Variants in FHIT observed in about 807,000 individuals in gnomAD.
FHIT encodes fragile histidine triad diadenosine triphosphatase.
FHIT carries 19 observed loss-of-function variants against 17.9 expected under a neutral mutation model. That is an observed-to-expected ratio of 1.06 (90% CI 0.74 to 1.56). FHIT has a LOEUF of 1.56. Ranked by LOEUF, FHIT falls within the 40% of genes most tolerant of loss-of-function variation. FHIT has a pLI of 0.00. For synonymous variants in FHIT, 81 were observed against 69.7 expected, an observed-to-expected ratio of 1.16 and a Z score of -0.81; for missense variants, 248 against 189.2, an observed-to-expected ratio of 1.31 and a Z score of -1.82.
At chr3:60,328,405 C>G (rs912363165) in intron 5 of FHIT, among the ~76,000 whole-genome samples, 1 of 152,176 alleles carries the variant, frequency 6.6e-6, no homozygotes, top group Non-Finnish European at 1.5e-5. Flanking sequence ...GCCTTACAAT[C>G]ATGGAGGAAG....
At chr3:60,484,091 G>C (rs1408617677) in intron 5 of FHIT, among the ~76,000 whole-genome samples, 1 of 152,014 alleles carries the variant, frequency 6.6e-6, no homozygotes, top group African/African-American at 2.4e-5. Flanking sequence ...GCTACAAAGA[G>C]AATAAATACC....
At chr3:60,483,255 G>C (rs549262074) in intron 5 of FHIT, among the ~76,000 whole-genome samples, 3 of 152,150 alleles carry the variant, frequency 2.0e-5, no homozygotes, top group African/African-American at 4.8e-5. Flanking sequence ...GAGGTACAAA[G>C]AGGAACTGGT....
intron 5 of FHIT, among the ~76,000 whole-genome samples, chr3:60,418,407 TATATATATATATATATATAC>T (rs1486491913): frequency 0.024 from 3,154 of 133,070 alleles, 324 homozygotes; most frequent in African/African-American, 0.07. Context: ...TATATATATA[TATATATATATATATATATAC>T]GTGTATACAC....
intron 5 of FHIT, among the ~76,000 whole-genome samples, chr3:60,067,143 C>G (rs900017622): frequency 2.6e-5 from 4 of 152,144 alleles, no homozygotes; most frequent in Non-Finnish European, 5.9e-5. Flanking sequence ...TATTCATGAA[C>G]ATGAGTCTCT....
chr3:60,808,882 G>C (rs1261793258), intron 4 of FHIT, among the ~76,000 whole-genome samples: 1 of 152,182 alleles, frequency 6.6e-6, no homozygotes, highest in Non-Finnish European at 1.5e-5. Context: ...TTGGACTGTT[G>C]AGCTTGGTTC....
chr3:61,130,311 TA>T (rs1404165733), intron 2 of FHIT, among the ~76,000 whole-genome samples: 5 of 152,222 alleles, frequency 3.3e-5, no homozygotes, highest in Admixed American at 3.3e-4. Flanking sequence ...CGTGTTGTGT[TA>T]CTTATGAGTC....
At chr3:59,924,284 C>A (rs1575704598) in intron 7 of FHIT, among the ~76,000 whole-genome samples, 1 of 152,146 alleles carries the variant, frequency 6.6e-6, no homozygotes, top group South Asian at 2.1e-4. Flanking sequence ...TTTGTCCTTT[C>A]TTCTTTCTGT....
intron 3 of FHIT, among the ~76,000 whole-genome samples, chr3:61,010,127 T>A (rs1436837472): frequency 6.6e-6 from 1 of 152,128 alleles, no homozygotes; most frequent in African/African-American, 2.4e-5. Context: ...TCTCTGCGCA[T>A]ATCTTCAATT....
In FHIT at chr3:61,117,602, C is replaced by T. The variant is rs111233061; in HGVS notation, c.-163-75503G>A. Among the ~76,000 whole-genome samples the T allele has an allele frequency of 6.3e-3, 956 of 152,302 alleles. 11 individuals carry two copies. The highest frequency in any genetic ancestry group is 0.022 in the African/African-American group (919 of 41,564). ...AAATGCATCACCACTAAAAGCGATA[C>T]TTACTCTTCTATAAACATATACATT... On this transcript the variant is annotated intron_variant, in intron 2 of 9. Coordinates refer to ENST00000492590, the MANE Select transcript of FHIT (RefSeq NM_002012.4).
chr3:61,128,428 A>G (rs2036672055), intron 2 of FHIT, among the ~76,000 whole-genome samples: 2 of 152,248 alleles, frequency 1.3e-5, no homozygotes, highest in East Asian at 1.9e-4. Context: ...TAGGGATTCA[A>G]TATAGCTTAG....
At chr3:60,929,613 T>C (rs1273474230) in intron 3 of FHIT, among the ~76,000 whole-genome samples, 9 of 152,134 alleles carry the variant, frequency 5.9e-5, no homozygotes, top group African/African-American at 2.2e-4. Context: ...CCATTCACAA[T>C]TGCTTCAAAG....
chr3:60,417,437 C>T (rs1017709937), intron 5 of FHIT, among the ~76,000 whole-genome samples: 11 of 152,072 alleles, frequency 7.2e-5, no homozygotes, highest in South Asian at 2.1e-4. Context: ...TTTGCTGAGA[C>T]GGAGCCATTT....
chr3:60,845,341 A>C (rs1702888303), intron 3 of FHIT, among the ~76,000 whole-genome samples: 2 of 151,956 alleles, frequency 1.3e-5, no homozygotes, highest in African/African-American at 4.8e-5. Flanking sequence ...ACAAACAAAA[A>C]AAAAAACCAA....
intron 2 of FHIT, among the ~76,000 whole-genome samples, chr3:61,087,761 A>G (rs999727303): frequency 2.0e-5 from 3 of 152,182 alleles, no homozygotes; most frequent in African/African-American, 4.8e-5. Context: ...TACAGCCTTT[A>G]TCACTTGCAT....
intron 8 of FHIT, among the ~76,000 whole-genome samples, chr3:59,798,033 C>A (rs992410436): frequency 3.3e-5 from 5 of 152,118 alleles, no homozygotes; most frequent in Non-Finnish European, 5.9e-5. Flanking sequence ...AAAGAGGCTG[C>A]CCATTTGTGT....
At chr3:59,979,145 G>C (rs1418458664) in intron 7 of FHIT, among the ~76,000 whole-genome samples, 2 of 152,102 alleles carry the variant, frequency 1.3e-5, no homozygotes, top group African/African-American at 4.8e-5. Flanking sequence ...ATGTCACACT[G>C]AGGCTGAGAG....
At chr3:59,913,890 TTGATTTCC>T (rs1484425605) in intron 8 of FHIT, among the ~76,000 whole-genome samples, 1 of 152,226 alleles carries the variant, frequency 6.6e-6, no homozygotes, top group African/African-American at 2.4e-5. Flanking sequence ...CAGCTATTTC[TTGATTTCC>T]TTGATTAGAA....
chr3:60,263,167 G>C (rs1216983064), intron 5 of FHIT, among the ~76,000 whole-genome samples: 3 of 151,850 alleles, frequency 2.0e-5, no homozygotes, highest in Non-Finnish European at 2.9e-5. Flanking sequence ...CAGCTAAATA[G>C]AATGGCTGAA....
At chr3:59,909,683 C>T (rs1184338055) in intron 8 of FHIT, among the ~76,000 whole-genome samples, 2 of 152,180 alleles carry the variant, frequency 1.3e-5, no homozygotes, top group Non-Finnish European at 2.9e-5. Flanking sequence ...CTAGCTCACA[C>T]ACACATGTAT....
Sources: gnomAD v4.1 joint callset for allele counts (sites outside exome capture counted in the v4.1 genomes callset) on GRCh38, gnomAD v4.1.1 for gene constraint, MANE v1.5 for transcripts, NCBI Gene and HGNC (gene_info 2026-07-23, HGNC 2026-07-21) for gene names.